Variants in RBM27 observed in about 807,000 individuals in gnomAD.
The protein encoded by RBM27 is RNA binding motif protein 27, also known as RNA-binding protein 27.
RBM27 carries 22 observed loss-of-function variants against 135.3 expected under a neutral mutation model. The observed-to-expected ratio is 0.16, with a 90% CI of 0.12 to 0.23. The LOEUF (loss-of-function observed/expected upper bound fraction) is 0.23, where lower values mean the gene tolerates loss of function less well. RBM27 is among the 10% of genes least tolerant of loss of function. RBM27 has a pLI of 1.00. For missense variants in RBM27, 1,009 were observed against 1,281.0 expected (o/e 0.79, Z 3.24); for synonymous variants, 481 against 442.4 (o/e 1.09, Z -1.10).
At chr5:146,281,486 T>C (rs1759349364) in intron 19 of RBM27, among the ~76,000 whole-genome samples, 1 of 152,208 alleles carries the variant, frequency 6.6e-6, no homozygotes, top group South Asian at 2.1e-4. Context: ...TGGACCACAC[T>C]GGAAGAAGAA....
In RBM27 at chr5:146,286,870, C is replaced by T. The variant is rs1015513537; in HGVS notation, c.*840C>T. 1 of 152,350 alleles carries T rather than the reference C, an allele frequency of 6.6e-6. No individual in the cohort carries two copies. The highest frequency in any genetic ancestry group is 2.4e-5 in the African/African-American group (1 of 41,340). 9.4% of individuals were successfully genotyped at this position (152,350 alleles called of 1,614,324 possible). On this transcript the variant is annotated 3_prime_UTR_variant, in exon 21 of 21. Coordinates refer to ENST00000265271, the MANE Select transcript of RBM27 (RefSeq NM_018989.2). Reference sequence around the variant, plus strand: ...TTCCTCTTGCCTTTCTATTAATAGGCCTGACTTAGTCATCATTGATATAAG... The same window carrying T: ...TTCCTCTTGCCTTTCTATTAATAGGTCTGACTTAGTCATCATTGATATAAG...
At chr5:146,251,627 C>T (rs887995228) in intron 8 of RBM27, 84 bp from the exon 9 acceptor site, 19 of 1,338,622 alleles carry the variant, frequency 1.4e-5, no homozygotes, top group Middle Eastern at 1.9e-4. Context: ...CTGTTTTTGG[C>T]TCAAAGTCTC....
At chr5:146,222,551 G>A (rs1756502119) in intron 2 of RBM27, among the ~76,000 whole-genome samples, 2 of 152,164 alleles carry the variant, frequency 1.3e-5, no homozygotes, top group African/African-American at 4.8e-5. Context: ...GGGCGTGGTG[G>A]CACATGCCTG....
intron 19 of RBM27, among the ~76,000 whole-genome samples, chr5:146,278,726 AT>A (rs576045126): frequency 1.3e-3 from 189 of 142,436 alleles, no homozygotes; most frequent in Middle Eastern, 3.6e-3. Context: ...TTTTTTCCCA[AT>A]TTTTTTTTTT....
At chr5:146,245,220 T>G (rs1195143906) in intron 8 of RBM27, 2 of 151,962 alleles carry the variant, frequency 1.3e-5, no homozygotes, top group African/African-American at 2.4e-5. Flanking sequence ...ACCAGAGAAC[T>G]TGCTAGAGAA....
chr5:146,263,773 A>C, intron 14 of RBM27, 142 bp downstream of exon 14: 1 of 1,065,922 alleles, frequency 9.4e-7, no homozygotes, highest in Non-Finnish European at 1.3e-6. Flanking sequence ...TCCATGTTTC[A>C]GTCAGAAATT....
chr5:146,276,696 T>G (rs982673892), intron 19 of RBM27, among the ~76,000 whole-genome samples: 7 of 152,216 alleles, frequency 4.6e-5, no homozygotes, highest in Non-Finnish European at 7.3e-5. Flanking sequence ...TTTCTGTGTA[T>G]TTAACATTTG....
intron 1 of RBM27, among the ~76,000 whole-genome samples, chr5:146,213,844 C>A (rs182276193): frequency 3.4e-4 from 52 of 152,212 alleles, no homozygotes; most frequent in Non-Finnish European, 1.0e-4. Context: ...TAGCTTACTC[C>A]GATAAAAATT....
At chr5:146,218,626 C>T (rs969670966) in intron 1 of RBM27, among the ~76,000 whole-genome samples, 1 of 152,122 alleles carries the variant, frequency 6.6e-6, no homozygotes. Context: ...ACAGATAGTT[C>T]CTGAAGGTGT....
At chr5:146,281,070 A>G (rs1185377011) in intron 19 of RBM27, among the ~76,000 whole-genome samples, 1 of 152,110 alleles carries the variant, frequency 6.6e-6, no homozygotes, top group South Asian at 2.1e-4. Flanking sequence ...CATGTTGGCC[A>G]GGTTGGTCTC....
intron 19 of RBM27, among the ~76,000 whole-genome samples, chr5:146,272,598 T>C (rs898487074): frequency 6.6e-6 from 1 of 152,034 alleles, no homozygotes; most frequent in South Asian, 2.1e-4. Context: ...GGTGTGCGCC[T>C]GTAATCCCAG....
At chr5:146,234,692 A>T (rs1034234204) in intron 7 of RBM27, among the ~76,000 whole-genome samples, 2 of 152,150 alleles carry the variant, frequency 1.3e-5, no homozygotes, top group African/African-American at 2.4e-5. Flanking sequence ...GTTTTCATGT[A>T]TGCCAAAATA....
Position 146,238,238 on chromosome 5 carries a change from G to T in RBM27, c.1279+806G>T, listed in dbSNP as rs544113162. Among the ~76,000 whole-genome samples, 189 of 152,290 alleles carry T rather than the reference G, an allele frequency of 1.2e-3. 2 individuals are homozygous for T. The highest frequency in any genetic ancestry group is 1.5e-3 in the Non-Finnish European group (100 of 68,028). ...ATACATTTTTCTTGGGCCAGGCGCG[G>T]TGGCTCATGCCTGTAATCCTAGCAC... On this transcript the variant is annotated intron_variant, in intron 8 of 20. Coordinates refer to ENST00000265271, the MANE Select transcript of RBM27 (RefSeq NM_018989.2).
In RBM27 at chr5:146,233,990, A is replaced by T. The variant is rs573880406; in HGVS notation, c.1144+247A>T. On this transcript the variant is annotated intron_variant, in intron 7 of 20. Transcript: ENST00000265271. ...CCTATATTGACCTGCAGTCAAATCT[A>T]GTTATCATCTTAAGAAAGCCAGTAT... Among the ~76,000 whole-genome samples the T allele has an allele frequency of 3.9e-5, 6 of 152,246 alleles. No individual in the cohort carries two copies. The East Asian group carries it at 1.2e-3, about 29-fold the overall frequency.
intron 1 of RBM27, among the ~76,000 whole-genome samples, chr5:146,216,855 G>A (rs966441652): frequency 1.3e-5 from 2 of 152,068 alleles, no homozygotes; most frequent in East Asian, 3.9e-4. Context: ...ACCGGATCTC[G>A]CTATATTGCC....
rs1047545950 is a variant in RBM27, at chr5:146,203,941, C to G, written c.59+117C>G. 5 of 1,018,670 alleles carry G rather than the reference C, an allele frequency of 4.9e-6. No homozygotes were observed. The South Asian group carries it at 5.3e-5, about 11-fold the overall frequency. 63.1% of individuals were successfully genotyped at this position (1,018,670 alleles called of 1,614,324 possible). A position where few individuals can be genotyped will look rare whatever the true frequency, so the allele number is the denominator to read the frequency against. Reference sequence around the variant, plus strand: ...CTGAGGGGCCGCGGCCGGGAGGTCCCGGCGACGCCTTCCCTGTAGTACTAT... The same window carrying G: ...CTGAGGGGCCGCGGCCGGGAGGTCCGGGCGACGCCTTCCCTGTAGTACTAT... On this transcript the variant is annotated intron_variant, in intron 1 of 20. Coordinates refer to ENST00000265271, the MANE Select transcript of RBM27 (RefSeq NM_018989.2).
At chr5:146,245,125 C>A (rs530497294) in intron 8 of RBM27, 29 of 152,200 alleles carry the variant, frequency 1.9e-4, no homozygotes, top group African/African-American at 7.0e-4. Context: ...CCTTGGCCTA[C>A]CAGAATGCTG....
At chr5:146,213,622 G>A (rs13153891) in intron 1 of RBM27, among the ~76,000 whole-genome samples, 31,867 of 152,090 alleles carry the variant, frequency 0.21, 4,247 homozygotes, top group Admixed American at 0.33. Flanking sequence ...CAAGTAAATG[G>A]TAATGGTTTT....
At chr5:146,270,576 A>G (rs943340509) in intron 17 of RBM27, among the ~76,000 whole-genome samples, 1 of 152,216 alleles carries the variant, frequency 6.6e-6, no homozygotes, top group African/African-American at 2.4e-5. Context: ...GTGGATTCCA[A>G]TCTGGTAGTA....
Sources: gnomAD v4.1 joint callset for allele counts (sites outside exome capture counted in the v4.1 genomes callset) on GRCh38, gnomAD v4.1.1 for gene constraint, MANE v1.5 for transcripts, NCBI Gene and HGNC (gene_info 2026-07-23, HGNC 2026-07-21) for gene names.